Variants in RNF216 observed in about 807,000 individuals in gnomAD.
The protein encoded by RNF216 is E3 ubiquitin-protein ligase RNF216.
A neutral mutation model predicts 110.8 loss-of-function variants in RNF216; 72 were observed. The observed-to-expected ratio is 0.65, with a 90% confidence interval of 0.54 to 0.79. The LOEUF (loss-of-function observed/expected upper bound fraction) is 0.79, where lower values mean the gene tolerates loss of function less well. RNF216 is among the 30% of genes least tolerant of loss of function. The pLI is 0.00. For synonymous variants in RNF216, 495 were observed against 407.5 expected (o/e 1.21, Z -2.59); for missense variants, 1,342 against 1,141.2 (o/e 1.18, Z -2.54).
At chr7:5,702,876 C>T in intron 13 of RNF216, among the ~76,000 whole-genome samples, 1 of 152,228 alleles carries the variant, frequency 6.6e-6, no homozygotes. Context: ...GTCTGCGACC[C>T]ACTCAGCTCT....
chr7:5,715,008 C>T, intron 11 of RNF216, 45 bp downstream of exon 11: 5 of 1,553,118 alleles, frequency 3.2e-6, no homozygotes, highest in Non-Finnish European at 4.4e-6. Context: ...CCTTAGACTC[C>T]AGGAATGTGT....
At chr7:5,715,483 A>G (rs1230355448) in intron 10 of RNF216, among the ~76,000 whole-genome samples, 1 of 152,118 alleles carries the variant, frequency 6.6e-6, no homozygotes, top group Non-Finnish European at 1.5e-5. Context: ...GTGCAAAGGG[A>G]ACTAGAACAT....
intron 1 of RNF216, among the ~76,000 whole-genome samples, chr7:5,772,618 A>C (rs969569181): frequency 3.3e-5 from 5 of 152,170 alleles, no homozygotes; most frequent in Non-Finnish European, 7.4e-5. Context: ...CTTCTCATTA[A>C]ATGTCTACAA....
chr7:5,741,808 T>A lies in RNF216; in HGVS notation c.209A>T (p.Lys70Ile), dbSNP rs1794775335. 2 of 1,592,468 alleles carry A rather than the reference T, an allele frequency of 1.3e-6. No individual in the cohort carries two copies. Among genetic ancestry groups the A allele is most frequent in the Non-Finnish European group, 1.7e-6 (2 of 1,172,952 alleles). The stretch of plus-strand genomic sequence containing the variant: ...GAGATTGGGTCGTGATCTCTGAGGT[T>A]TATTTGTCTAAGAAAAAATGAAATT... ...DDDVILTETNKPQRSRPNLIK... is the reference protein window; with the variant it reads ...DDDVILTETNIPQRSRPNLIK... The change falls in exon 4 of 17, where the codon AAA (lysine) becomes ATA (isoleucine). Residue 70 changes from lysine (K) to isoleucine (I), a missense_variant. Coordinates refer to ENST00000389902, the MANE Select transcript of RNF216 (RefSeq NM_207111.4).
At chr7:5,661,037 G>C (rs1789103822) in intron 13 of RNF216, among the ~76,000 whole-genome samples, 1 of 143,296 alleles carries the variant, frequency 7.0e-6, no homozygotes, top group South Asian at 2.2e-4. Flanking sequence ...CGCCTCCAGG[G>C]TTCAAGATTC....
rs1304352213 is a variant in RNF216 at position 5,749,360 on chromosome 7, A to G, written c.201+3486T>C. Among the ~76,000 whole-genome samples, 12 of 152,164 alleles carry G rather than the reference A, an allele frequency of 7.9e-5. No individual in the cohort carries two copies. The East Asian group carries it at 2.3e-3, about 29-fold the overall frequency. On this transcript the variant is annotated intron_variant, in intron 3 of 16. Coordinates refer to ENST00000389902, the MANE Select transcript of RNF216 (RefSeq NM_207111.4). Reference sequence around the variant, plus strand: ...GAGACGAGGTTTCACCATGTTGGCCAGGCTGGTCTCGAACTCCTGACCTCA... The same window carrying G: ...GAGACGAGGTTTCACCATGTTGGCCGGGCTGGTCTCGAACTCCTGACCTCA...
chr7:5,669,205 A>G (rs957953694), intron 13 of RNF216, among the ~76,000 whole-genome samples: 1 of 152,220 alleles, frequency 6.6e-6, no homozygotes, highest in African/African-American at 2.4e-5. Flanking sequence ...CCTACTAAGC[A>G]GAGTTGCATC....
At chr7:5,684,718 G>C (rs1482514689) in intron 13 of RNF216, among the ~76,000 whole-genome samples, 1 of 152,224 alleles carries the variant, frequency 6.6e-6, no homozygotes, top group Non-Finnish European at 1.5e-5. Context: ...AGCAATTCCA[G>C]TGGGTGTTCA....
Position 5,622,590 on chromosome 7 carries a change from G to A in RNF216, c.*270C>T, listed in dbSNP as rs1584322375. ...GCCTATGCCATGGACAAGGCAGAAG[G>A]ACTGCCGTTGGTGGCCTGGGGGATG... On this transcript the variant is annotated 3_prime_UTR_variant, in exon 17 of 17. Transcript: ENST00000389902. The A allele has an allele frequency of 2.1e-6, 1 of 468,244 alleles. No individual in the cohort carries two copies. The allele number at this position is 468,244 out of a possible 1,614,324, so 29.0% of individuals were successfully genotyped here. A position where few individuals can be genotyped will look rare whatever the true frequency, so the allele number is the denominator to read the frequency against.
chr7:5,711,730 T>C (rs1792704465), intron 13 of RNF216, 31 bp downstream of exon 13: 2 of 1,579,748 alleles, frequency 1.3e-6, no homozygotes, highest in South Asian at 2.3e-5. Context: ...CATAATTCAA[T>C]ATACATCTAG....
chr7:5,687,227 C>T (rs1030275881), intron 13 of RNF216, among the ~76,000 whole-genome samples: 6 of 151,844 alleles, frequency 4.0e-5, no homozygotes, highest in African/African-American at 1.5e-4. Context: ...GAAACCCCAT[C>T]TCTACTAAAA....
At chr7:5,763,627 G>A (rs962501752) in intron 1 of RNF216, among the ~76,000 whole-genome samples, 4 of 152,104 alleles carry the variant, frequency 2.6e-5, no homozygotes, top group Non-Finnish European at 5.9e-5. Context: ...CTGGAGAGCA[G>A]CTACACGATC....
rs77248118 is a variant in RNF216, at chr7:5,620,416, C to T, written c.*2444G>A. ...CTCTGGGCACTGGCACGGCCCCTTG[C>T]TGGCTGGTCTGAAGACCCCCAGTGC... On this transcript the variant is annotated 3_prime_UTR_variant, in exon 17 of 17. Coordinates refer to ENST00000389902, the MANE Select transcript of RNF216 (RefSeq NM_207111.4). The T allele has an allele frequency of 0.042, 6,451 of 152,438 alleles. 188 individuals carry two copies. The highest frequency in any genetic ancestry group is 0.092 in the East Asian group (476 of 5,174). The allele number at this position is 152,438 out of a possible 1,614,324, so 9.4% of individuals were successfully genotyped here.
At position 5,741,400 on chromosome 7, in the gene RNF216, G is replaced by C. The variant is rs746652973; in HGVS notation, c.617C>G (p.Thr206Arg). 2 of 1,614,088 alleles carry C rather than the reference G, an allele frequency of 1.2e-6. No homozygotes were observed. The highest frequency in any genetic ancestry group is 2.7e-5 in the African/African-American group (2 of 74,930). ...CTCTCCTAGATTTGATAACAGCTCT[G>C]TCTCTGAGTCTTCGGATGACTGGTT... is the stretch of plus-strand genomic sequence containing the variant. ...TQNQSSEDSE[T>R]ELLSNLGESA... The change falls in exon 4 of 17, where the codon ACA becomes AGA. Residue 206 changes from threonine to arginine, a missense_variant. Physicochemically the swap from Thr to Arg is moderately conservative, Grantham distance 71. Transcript: ENST00000389902.
chr7:5,640,604 T>C (rs2128567002), intron 15 of RNF216, among the ~76,000 whole-genome samples: 1 of 152,204 alleles, frequency 6.6e-6, no homozygotes, highest in East Asian at 1.9e-4. Context: ...AGAAGAAATA[T>C]TTGATTTGAT....
intron 13 of RNF216, among the ~76,000 whole-genome samples, chr7:5,659,481 G>T (rs1022624078): frequency 6.6e-6 from 1 of 152,164 alleles, no homozygotes; most frequent in Non-Finnish European, 1.5e-5. Context: ...GGAGCCCAGT[G>T]GGGGAGAGTG....
chr7:5,648,526 C>G (rs1427159069), intron 14 of RNF216, among the ~76,000 whole-genome samples: 1 of 151,252 alleles, frequency 6.6e-6, no homozygotes, highest in African/African-American at 2.4e-5. Context: ...GAGATCGAGA[C>G]CATCCTGGTT....
intron 2 of RNF216, among the ~76,000 whole-genome samples, chr7:5,755,272 T>A (rs1398694075): frequency 2.7e-5 from 4 of 150,826 alleles, no homozygotes; most frequent in Admixed American, 1.3e-4. Flanking sequence ...GGAAGGAACC[T>A]ATCACCTTAT....
intron 14 of RNF216, among the ~76,000 whole-genome samples, chr7:5,651,945 C>A (rs1455443085): frequency 1.3e-5 from 2 of 152,174 alleles, no homozygotes; most frequent in Non-Finnish European, 1.5e-5. Context: ...CTGCGCCTGG[C>A]CTGCATTTTA....
Sources: gnomAD v4.1 joint callset for allele counts (sites outside exome capture counted in the v4.1 genomes callset) on GRCh38, gnomAD v4.1.1 for gene constraint, MANE v1.5 for transcripts, NCBI Gene and HGNC (gene_info 2026-07-23, HGNC 2026-07-21) for gene names.